The following IFT172 variants were observed in gnomAD, a reference collection of about 807,000 sequenced individuals.
IFT172 encodes the protein intraflagellar transport protein 172 homolog.
IFT172 carries 164 observed loss-of-function variants against 248.9 expected under a neutral mutation model. The observed-to-expected ratio is 0.66, with a 90% CI of 0.58 to 0.75. The LOEUF (loss-of-function observed/expected upper bound fraction) is 0.75, where lower values mean the gene tolerates loss of function less well. IFT172 is among the 30% of genes least tolerant of loss of function. The pLI is 0.00. For missense variants in IFT172, 1,950 were observed against 2,192.4 expected (o/e 0.89, Z 2.21); for synonymous variants, 729 against 791.6 (o/e 0.92, Z 1.33).
chr2:27,455,455 T>G (rs1666077302), intron 30 of IFT172: 1 of 236,002 alleles, frequency 4.2e-6, no homozygotes, highest in Non-Finnish European at 8.3e-6. Context: ...ACGCCTGTAA[T>G]CCCAGCACTT....
chr2:27,459,718 A>G lies in IFT172; in HGVS notation c.2633T>C (p.Ile878Thr), dbSNP rs1479155814. 1.9e-6 allele frequency: 3 copies of G among 1,612,296 alleles called. No homozygotes were observed. In the Admixed American group the frequency reaches 5.0e-5, roughly 27 times the overall value. Residue 878 changes from isoleucine (I) to threonine (T), a missense_variant, in exon 24 of 48, where the codon ATC (isoleucine) becomes ACC (threonine). By Grantham distance (89) the Ile-to-Thr change is moderately conservative. This residue lies in a region of IFT172 where 1,166 missense variants were observed against 1,254.1 expected (regional missense o/e 0.93). Transcript: ENST00000260570. The stretch of plus-strand genomic sequence containing the variant: ...TCCCATACTCCCATACCTGGCTTCG[A>G]TGTAGTGATTAATGGCTGCATCAAG... ...KQLDAAINHY[I>T]EARCSIKAIE...
rs749069772 is a variant in IFT172, at chr2:27,480,172, T to C, written c.786-23A>G. ...AGCCTGAAATAAAGTATGTGGCTTT[T>C]AGAAGAGATTGAGGCTGAGCTAAAG... On this transcript the variant is annotated intron_variant, in intron 8 of 47. Transcript: ENST00000260570. The C allele has an allele frequency of 5.0e-6, 8 of 1,609,330 alleles. No individual in the cohort carries two copies. In the Admixed American group the frequency reaches 1.3e-4, roughly 27 times the overall value.
Position 27,463,148 on chromosome 2 carries a change from A to G in IFT172, c.1971T>C (p.Ala657=), listed in dbSNP as rs1364219521. The G allele has an allele frequency of 6.2e-7, 1 of 1,614,094 alleles. No individual in the cohort carries two copies. Among genetic ancestry groups the G allele is most frequent in the African/African-American group, 1.3e-5 (1 of 74,924 alleles). Reference sequence around the variant, plus strand: ...TCTCATTGGTCTCATGCAGGAATCGAGCTTTTGCTACTTGGCCCAAAGCAG... The same window carrying G: ...TCTCATTGGTCTCATGCAGGAATCGGGCTTTTGCTACTTGGCCCAAAGCAG... ...CFSALGQVAK[A]RFLHETNEIA... The change falls in exon 19 of 48, where the codon GCT becomes GCC. Residue 657 remains alanine, a synonymous_variant. Transcript: ENST00000260570.
At chr2:27,486,503 A>G (rs547175269) in intron 1 of IFT172, among the ~76,000 whole-genome samples, 3 of 152,266 alleles carry the variant, frequency 2.0e-5, no homozygotes, top group South Asian at 2.1e-4. Context: ...TTCTGCCCCA[A>G]TTGTTTAATT....
chr2:27,457,721 T>G lies in IFT172; in HGVS notation c.3146A>C (p.Glu1049Ala), dbSNP rs138139922. ...LEAEGRLQEA[E>A]YHYLEAQEWK... ...TTCCTGGGCCTCGAGGTAGTGGTAC[T>G]CAGCCTCCTGTAGTCGGCCTTCAGC... The change falls in exon 29 of 48, where the codon GAG becomes GCG. Residue 1049 changes from glutamate to alanine, a missense_variant. Coordinates refer to ENST00000260570, the MANE Select transcript of IFT172 (RefSeq NM_015662.3). 44 of 1,614,016 alleles carry G rather than the reference T, an allele frequency of 2.7e-5. No individual in the cohort carries two copies. The highest frequency in any genetic ancestry group is 1.6e-4 in the Middle Eastern group (1 of 6,082).
intron 15 of IFT172, 127 bp downstream of exon 15, chr2:27,472,123 C>G (rs1431993787): frequency 1.4e-6 from 1 of 721,814 alleles, no homozygotes; most frequent in Non-Finnish European, 2.6e-6. Context: ...TCTTCTGTGC[C>G]TTCTGCCATG....
At chr2:27,484,192 C>A (rs1668583867) in intron 4 of IFT172, 35 bp downstream of exon 4, 2 of 1,613,620 alleles carry the variant, frequency 1.2e-6, no homozygotes, top group East Asian at 4.5e-5. Context: ...TATGTTTGTT[C>A]ATCCTAAGGT....
At chr2:27,471,133 G>T in intron 15 of IFT172, 38 bp from the exon 16 acceptor site, 1 of 1,595,256 alleles carries the variant, frequency 6.3e-7, no homozygotes, top group Non-Finnish European at 8.5e-7. Flanking sequence ...ATTACAAGGG[G>T]ATGTGGGGTT....
intron 40 of IFT172, 126 bp downstream of exon 40, chr2:27,448,789 G>T: frequency 1.4e-6 from 1 of 690,988 alleles, no homozygotes; most frequent in South Asian, 1.7e-5. Flanking sequence ...GATGCGTGGG[G>T]GGCTCTGGGC....
intron 14 of IFT172, among the ~76,000 whole-genome samples, chr2:27,474,119 CA>C (rs1558401590): frequency 2.0e-5 from 3 of 152,142 alleles, no homozygotes; most frequent in African/African-American, 7.2e-5. Context: ...TGAACTCTGT[CA>C]TTTTACATAC....
chr2:27,467,143 C>T (rs374392101), intron 16 of IFT172, among the ~76,000 whole-genome samples: 5 of 151,506 alleles, frequency 3.3e-5, no homozygotes, highest in East Asian at 1.9e-4. Context: ...ATCAATATGG[C>T]CAGGCAGACT....
In IFT172 at chr2:27,463,082, G is replaced by C; in HGVS notation, c.2022+15C>G. 1 of 1,611,866 alleles carries C rather than the reference G, an allele frequency of 6.2e-7. No individual in the cohort carries two copies. The highest frequency in any genetic ancestry group is 8.5e-7 in the Non-Finnish European group (1 of 1,178,002). ...TTGGGAGACAGACAGAATGAATCAG[G>C]AGCATAATACTTGCATATTCCCGGG... On this transcript the variant is annotated intron_variant, in intron 19 of 47. Coordinates refer to ENST00000260570, the MANE Select transcript of IFT172 (RefSeq NM_015662.3).
intron 1 of IFT172, among the ~76,000 whole-genome samples, chr2:27,487,657 G>C (rs749959452): frequency 6.6e-6 from 1 of 151,920 alleles, no homozygotes; most frequent in Admixed American, 6.6e-5. Context: ...GCAGTGGTGC[G>C]ATCTTGACTC....
Position 27,445,722 on chromosome 2 carries a change from G to C in IFT172, c.4914+23C>G. ...GCACTCACACTGGTGAGGCCTTCCG[G>C]TTTTCCAACCCTGTGCCCTTACCGG... is the stretch of plus-strand genomic sequence containing the variant. On this transcript the variant is annotated intron_variant, in intron 45 of 47. Transcript: ENST00000260570. This position sits in a 1 kb window ranked among gnomAD's most constrained non-coding sequence, Gnocchi z 4.4. 2 of 1,613,786 alleles carry C rather than the reference G, an allele frequency of 1.2e-6. No homozygotes were observed. Among genetic ancestry groups the C allele is most frequent in the African/African-American group, 1.3e-5 (1 of 75,014 alleles).
intron 33 of IFT172, 53 bp downstream of exon 33, chr2:27,453,918 TGGCTCTCTGTG>T: frequency 1.3e-6 from 2 of 1,522,654 alleles, no homozygotes; most frequent in Non-Finnish European, 1.8e-6. Flanking sequence ...GGGGTCAGTG[TGGCTCTCTGTG>T]GGCTCTTACA....
chr2:27,450,333 C>T (rs1245296346), intron 35 of IFT172, among the ~76,000 whole-genome samples: 1 of 152,224 alleles, frequency 6.6e-6, no homozygotes, highest in African/African-American at 2.4e-5. Context: ...ACTTCCTGCG[C>T]TGCCTGAGGT....
intron 13 of IFT172, 194 bp from the exon 14 acceptor site, chr2:27,476,920 T>C (rs1667995096): frequency 3.4e-6 from 2 of 592,260 alleles, no homozygotes; most frequent in Non-Finnish European, 6.0e-6. Context: ...CTTCCCAGGC[T>C]CCGGGTGATT....
Position 27,481,186 on chromosome 2 carries a change from A to C in IFT172, c.645T>G (p.Cys215Trp), listed in dbSNP as rs1452877791. ...TTCCATAGGCTACAATTTTCCGATC[A>C]CAGCCTGCAGCCACGATGCTATTGG... ...WATNSIVAAG[C>W]DRKIVAYGKE... The change falls in exon 8 of 48, where the codon TGT becomes TGG. Residue 215 changes from cysteine to tryptophan, a missense_variant. Transcript: ENST00000260570. The C allele has an allele frequency of 1.9e-6, 3 of 1,613,174 alleles. No homozygotes were observed. In the Admixed American group the frequency reaches 5.0e-5, roughly 27 times the overall value.
chr2:27,459,268 G>C (rs1294613440), intron 25 of IFT172, 110 bp downstream of exon 25: 1 of 1,364,748 alleles, frequency 7.3e-7, no homozygotes, highest in Admixed American at 2.2e-5. Flanking sequence ...ATGCTGTTTG[G>C]AGCCCAGAAA....
Sources: allele counts gnomAD v4.1 joint callset (sites outside exome capture counted in the v4.1 genomes callset), GRCh38; gene constraint gnomAD v4.1.1; regional missense constraint gnomAD v4.1.1; non-coding constraint Gnocchi (gnomAD v3.1); transcripts MANE v1.5; gene names NCBI Gene and HGNC (gene_info 2026-07-23, HGNC 2026-07-21).